The following SHROOM3 variants were observed in gnomAD, a reference collection of about 807,000 sequenced individuals.
SHROOM3 encodes shroom family member 3.
In SHROOM3, 47 loss-of-function variants were observed where a neutral mutation model predicts 138.6. The ratio of observed to expected loss-of-function variants is 0.34; its 90% CI spans 0.27 to 0.43. The LOEUF (loss-of-function observed/expected upper bound fraction) is 0.43. Ranked by LOEUF, SHROOM3 falls within the 20% of genes least tolerant of loss-of-function variation. The probability of loss-of-function intolerance (pLI) is 1.00; values close to 1 mark genes in which losing one functional copy is unlikely to be tolerated. For synonymous variants in SHROOM3, 1,062 were observed against 1,063.3 expected (o/e 1.00, Z 0.02); for missense variants, 2,491 against 2,596.5 (o/e 0.96, Z 0.88).
intron 10 of SHROOM3, 131 bp downstream of exon 10, chr4:76,771,029 TG>T: frequency 8.4e-7 from 1 of 1,189,804 alleles, no homozygotes; most frequent in Non-Finnish European, 1.2e-6. Context: ...AGAGAATACA[TG>T]TATAGGTAAC....
chr4:76,523,419 TAC>T, intron 1 of SHROOM3, among the ~76,000 whole-genome samples: 1 of 152,236 alleles, frequency 6.6e-6, no homozygotes, highest in African/African-American at 2.4e-5. Flanking sequence ...ATAAAGATAT[TAC>T]AGAGGGAGAG....
intron 1 of SHROOM3, among the ~76,000 whole-genome samples, chr4:76,459,812 A>G (rs906082808): frequency 6.6e-6 from 1 of 152,206 alleles, no homozygotes; most frequent in African/African-American, 2.4e-5. Context: ...AGAAGCAGCG[A>G]GAGTGGCACA....
At chr4:76,589,088 A>G (rs142598225) in intron 2 of SHROOM3, among the ~76,000 whole-genome samples, 1 of 152,376 alleles carries the variant, frequency 6.6e-6, no homozygotes, top group Non-Finnish European at 1.5e-5. Context: ...TATGGGTGGC[A>G]TATCATCTGA....
intron 1 of SHROOM3, among the ~76,000 whole-genome samples, chr4:76,481,320 G>A (rs151130067): frequency 0.034 from 5,218 of 152,052 alleles, 102 homozygotes; most frequent in Middle Eastern, 0.072. Flanking sequence ...CCACAGAAAT[G>A]CAAACTACCA....
intron 3 of SHROOM3, among the ~76,000 whole-genome samples, chr4:76,730,265 G>C (rs533636727): frequency 6.6e-6 from 1 of 152,296 alleles, no homozygotes; most frequent in Non-Finnish European, 1.5e-5. Flanking sequence ...ATGTAGCTTA[G>C]AGCAGTGTTC....
chr4:76,548,890 G>A (rs951221138), intron 1 of SHROOM3, among the ~76,000 whole-genome samples: 13 of 152,068 alleles, frequency 8.5e-5, no homozygotes, highest in African/African-American at 2.9e-4. Context: ...AGTTGCACAC[G>A]GTGTGTTATC....
chr4:76,456,400 C>T (rs1268465187), intron 1 of SHROOM3, among the ~76,000 whole-genome samples: 1 of 152,188 alleles, frequency 6.6e-6, no homozygotes, highest in Non-Finnish European at 1.5e-5. Context: ...AGTACTTGTA[C>T]ACATAGTACA....
chr4:76,708,919 A>C (rs969755467), intron 2 of SHROOM3, among the ~76,000 whole-genome samples: 7 of 152,250 alleles, frequency 4.6e-5, no homozygotes, highest in African/African-American at 1.7e-4. Flanking sequence ...GAATATATCC[A>C]AAGCCGAGAA....
At chr4:76,448,603 A>G (rs1188886253) in intron 1 of SHROOM3, among the ~76,000 whole-genome samples, 1 of 152,216 alleles carries the variant, frequency 6.6e-6, no homozygotes, top group Non-Finnish European at 1.5e-5. Context: ...ATCCAACTCC[A>G]GTTGCCCACA....
intron 1 of SHROOM3, among the ~76,000 whole-genome samples, chr4:76,467,145 T>G (rs1327348084): frequency 2.0e-5 from 3 of 151,436 alleles, no homozygotes; most frequent in Non-Finnish European, 4.4e-5. Flanking sequence ...TGGGCTCAAG[T>G]GATCCTCCCA....
intron 2 of SHROOM3, among the ~76,000 whole-genome samples, chr4:76,592,816 A>G (rs1316753401): frequency 6.6e-6 from 1 of 152,180 alleles, no homozygotes; most frequent in Non-Finnish European, 1.5e-5. Context: ...TCCCTTTTCT[A>G]GGCAGCAGGA....
Position 76,740,982 on chromosome 4 carries a change from G to C in SHROOM3, c.2809G>C (p.Gly937Arg), listed in dbSNP as rs1157075052. The C allele has an allele frequency of 1.3e-6, 2 of 1,493,824 alleles. No homozygotes were observed. Among genetic ancestry groups the C allele is most frequent in the African/African-American group, 2.8e-5 (2 of 70,880 alleles). The allele number at this position is 1,493,824 out of a possible 1,614,324, so 92.5% of individuals were successfully genotyped here. A position where few individuals can be genotyped will look rare whatever the true frequency, so the allele number is the denominator to read the frequency against. ...CAAGGACGCACAGTCCCGTGTCTTGGGGGCCACCTCCTTTCGACGTCGAGA... is the reference window on the plus strand; with the variant it reads ...CAAGGACGCACAGTCCCGTGTCTTGCGGGCCACCTCCTTTCGACGTCGAGA... ...SIKDAQSRVL[G>R]ATSFRRRDLE... Residue 937 changes from glycine (G) to arginine (R), a missense_variant, in exon 5 of 11, where the codon GGG becomes CGG. By Grantham distance (125) the Gly-to-Arg change is moderately radical (BLOSUM62 -2). Around this residue, in one of 4 missense-constraint regions of SHROOM3, gnomAD observed 1,733 missense variants for 1,661.6 expected, o/e 1.04. Transcript: ENST00000296043. The surrounding 1 kb of genome is among the most constrained non-coding windows in gnomAD (Gnocchi z 4.0).
chr4:76,450,484 T>C (rs1167860605), intron 1 of SHROOM3, among the ~76,000 whole-genome samples: 3 of 152,078 alleles, frequency 2.0e-5, no homozygotes, highest in Admixed American at 2.0e-4. Context: ...ATAGAAAAAA[T>C]CCAAATGCCC....
rs1186458896 is a variant in SHROOM3 at position 76,741,242 on chromosome 4, C to T, written c.3069C>T (p.Pro1023=). The change falls in exon 5 of 11, where the codon CCC becomes CCT. Residue 1023 remains proline (P), a synonymous_variant. Transcript: ENST00000296043. The surrounding 1 kb of genome is among the most constrained non-coding windows in gnomAD (Gnocchi z 6.2). ...AGAAGAAGCGCTCCTACTCGGAGCC[C>T]GAGAAGATGAACGAGGTGGGGATCG... is the stretch of plus-strand genomic sequence containing the variant. The part of the protein sequence containing the change: ...PEQKKRSYSE[P]EKMNEVGIVE... 30 of 1,611,558 alleles carry T rather than the reference C, an allele frequency of 1.9e-5. No individual in the cohort carries two copies. Among genetic ancestry groups the T allele is most frequent in the Non-Finnish European group, 2.5e-5 (29 of 1,179,500 alleles).
chr4:76,738,838 G>GGCTC lies in SHROOM3; in HGVS notation c.665_666insGCTC (p.Ser222ArgfsTer27), dbSNP rs780285364. 87 of 1,614,130 alleles carry GGCTC rather than the reference G, an allele frequency of 5.4e-5. No homozygotes were observed. The highest frequency in any genetic ancestry group is 7.3e-5 in the Non-Finnish European group (86 of 1,180,046). ...CCTGACCAGTGCAGCTCCCAGGGGA[G>GGCTC]CATGGAGAGCCTGGAGCCCAGTGGG... On this transcript the variant is annotated frameshift_variant, in exon 5 of 11. Coordinates refer to ENST00000296043, the MANE Select transcript of SHROOM3 (RefSeq NM_020859.4). LOFTEE classifies it high-confidence loss of function.
intron 5 of SHROOM3, among the ~76,000 whole-genome samples, chr4:76,748,251 T>C (rs1721506172): frequency 6.6e-6 from 1 of 152,164 alleles, no homozygotes; most frequent in South Asian, 2.1e-4. Context: ...GCAAAATAAA[T>C]TACTGAAATT....
At chr4:76,517,344 A>G (rs1732464396) in intron 1 of SHROOM3, among the ~76,000 whole-genome samples, 1 of 152,098 alleles carries the variant, frequency 6.6e-6, no homozygotes, top group African/African-American at 2.4e-5. Context: ...TACAGTGTCT[A>G]AAAAAGGCTC....
At chr4:76,723,995 C>T (rs766387255) in intron 3 of SHROOM3, among the ~76,000 whole-genome samples, 2 of 152,174 alleles carry the variant, frequency 1.3e-5, no homozygotes, top group Non-Finnish European at 2.9e-5. Flanking sequence ...GTTGAAGGCA[C>T]ATAGGTGATT....
chr4:76,565,519 A>G (rs185210710), intron 2 of SHROOM3, among the ~76,000 whole-genome samples: 4 of 152,166 alleles, frequency 2.6e-5, no homozygotes, highest in Admixed American at 1.3e-4. Context: ...TTGAGACAAG[A>G]TCTTACTCTG....
Sources: allele counts gnomAD v4.1 joint callset (sites outside exome capture counted in the v4.1 genomes callset), GRCh38; gene constraint gnomAD v4.1.1; regional missense constraint gnomAD v4.1.1; non-coding constraint Gnocchi (gnomAD v3.1); transcripts MANE v1.5; gene names NCBI Gene and HGNC (gene_info 2026-07-23, HGNC 2026-07-21).